The following RBM7 variants were observed in gnomAD, a reference collection of about 807,000 sequenced individuals.
The protein encoded by RBM7 is RNA binding motif protein 7.
Under a neutral mutation model 31.0 loss-of-function variants are expected in RBM7, and 13 were observed. The ratio of observed to expected loss-of-function variants is 0.42; its 90% CI spans 0.27 to 0.67. RBM7 has a LOEUF of 0.67. Among genes scored for constraint, RBM7 ranks in the 30% least tolerant of loss-of-function variants. The pLI, the probability that RBM7 is intolerant of heterozygous loss-of-function variation, is 0.24. For synonymous variants in RBM7, 106 were observed against 111.2 expected, an observed-to-expected ratio of 0.95 and a Z score of 0.30; for missense variants, 245 against 326.2, an observed-to-expected ratio of 0.75 and a Z score of 1.92.
Position 114,400,702 on chromosome 11 carries a change from ACT to A in RBM7, c.36_37del (p.Phe13CysfsTer5), listed in dbSNP as rs1946186031. On this transcript the variant is annotated frameshift_variant, in exon 1 of 5. Coordinates refer to ENST00000375490, the MANE Select transcript of RBM7 (RefSeq NM_001286045.2). LOFTEE classifies it high-confidence loss of function. ...GGCGGCGGCGGCGGAAGCGGATCGC[ACT>A]CTCTTTGTGGGCAACCTTGAAACGA... MGAAAAEADR[T>X]LFVGNLETKV... 1 of 1,614,004 alleles carries A rather than the reference ACT, an allele frequency of 6.2e-7. No individual in the cohort carries two copies. The highest frequency in any genetic ancestry group is 8.5e-7 in the Non-Finnish European group (1 of 1,179,994).
At position 114,409,290 on chromosome 11, in the gene RBM7, GATT is replaced by G. The variant is rs1181719641; in HGVS notation, c.*1490_*1492del. The G allele has an allele frequency of 6.6e-6, 1 of 152,060 alleles. No homozygotes were observed. Among genetic ancestry groups the G allele is most frequent in the African/African-American group, 2.4e-5 (1 of 41,422 alleles). The allele number at this position is 152,060 out of a possible 1,614,324, so 9.4% of individuals were successfully genotyped here. A position where few individuals can be genotyped will look rare whatever the true frequency, so the allele number is the denominator to read the frequency against. ...TTTTCACAGAATTTGTTTCCAATGA[GATT>G]ATTATTTTTGGGTATCTTATCCATA... On this transcript the variant is annotated 3_prime_UTR_variant, in exon 5 of 5. Transcript: ENST00000375490.
At position 114,409,855 on chromosome 11, in the gene RBM7, A is replaced by G. The variant is rs1163788723; in HGVS notation, c.*2048A>G. On this transcript the variant is annotated 3_prime_UTR_variant, in exon 5 of 5. Coordinates refer to ENST00000375490, the MANE Select transcript of RBM7 (RefSeq NM_001286045.2). ...ACCAAACTAAATACATGTATTGTGT[A>G]AAGGGACAGGACAAGACAGCCTTAA... 1 of 152,222 alleles carries G rather than the reference A, an allele frequency of 6.6e-6. No individual in the cohort carries two copies. The highest frequency in any genetic ancestry group is 1.5e-5 in the Non-Finnish European group (1 of 68,038). The allele number at this position is 152,222 out of a possible 1,614,324, so 9.4% of individuals were successfully genotyped here.
At chr11:114,406,336 C>G (rs886988677) in intron 4 of RBM7, 4 of 152,144 alleles carry the variant, frequency 2.6e-5, no homozygotes, top group African/African-American at 9.7e-5. Flanking sequence ...GACTTGTAGT[C>G]CCCAGGCTTT....
intron 2 of RBM7, 90 bp downstream of exon 2, chr11:114,401,950 A>G: frequency 7.5e-7 from 1 of 1,341,598 alleles, no homozygotes; most frequent in Non-Finnish European, 1.0e-6. Flanking sequence ...TTGTAGATGA[A>G]ACTTCTTTCT....
chr11:114,403,422 T>C (rs1946229357), intron 3 of RBM7, among the ~76,000 whole-genome samples: 1 of 152,202 alleles, frequency 6.6e-6, no homozygotes, highest in Admixed American at 6.5e-5. Flanking sequence ...CTCCTTTCTT[T>C]AGTCCCGTCT....
At chr11:114,404,741 G>A (rs1946243775) in intron 3 of RBM7, among the ~76,000 whole-genome samples, 1 of 151,548 alleles carries the variant, frequency 6.6e-6, no homozygotes, top group African/African-American at 2.4e-5. Context: ...AGGCTAGAGA[G>A]TTTATAATTT....
intron 3 of RBM7, among the ~76,000 whole-genome samples, chr11:114,404,378 A>G (rs1348203942): frequency 2.0e-5 from 3 of 152,254 alleles, no homozygotes; most frequent in Admixed American, 1.3e-4. Context: ...GCAATAGTGC[A>G]AAAAGTGTAC....
At position 114,410,072 on chromosome 11, in the gene RBM7, AAG is replaced by A. The variant is rs2135361897; in HGVS notation, c.*2266_*2267del. ...TGTCACATCTGTATTGGCACTCAAA[AAG>A]TTTCATATTTTGGAGCATTTCAGAT... On this transcript the variant is annotated 3_prime_UTR_variant, in exon 5 of 5. Transcript: ENST00000375490. 1 of 152,238 alleles carries A rather than the reference AAG, an allele frequency of 6.6e-6. No individual in the cohort carries two copies. Among genetic ancestry groups the A allele is most frequent in the African/African-American group, 2.4e-5 (1 of 41,542 alleles). The allele number at this position is 152,238 out of a possible 1,614,324, so 9.4% of individuals were successfully genotyped here. A position where few individuals can be genotyped will look rare whatever the true frequency, so the allele number is the denominator to read the frequency against.
chr11:114,401,485 A>C (rs1414856221), intron 1 of RBM7, among the ~76,000 whole-genome samples: 1 of 152,248 alleles, frequency 6.6e-6, no homozygotes, highest in East Asian at 1.9e-4. Flanking sequence ...TTGTGTTTCC[A>C]GTTCCTTATG....
chr11:114,409,458 T>G lies in RBM7; in HGVS notation c.*1651T>G, dbSNP rs1169724657. On this transcript the variant is annotated 3_prime_UTR_variant, in exon 5 of 5. Transcript: ENST00000375490. ...ATCTCAGGTCACTGCAACCTCCATA[T>G]CCCGGGTTCAAGTGATTCTCCTGCC... is the stretch of plus-strand genomic sequence containing the variant. 6.6e-6 allele frequency: 1 copy of G among 151,970 alleles called. No homozygotes were observed. The allele number at this position is 151,970 out of a possible 1,614,324, so 9.4% of individuals were successfully genotyped here.
At chr11:114,407,378 A>G (rs1591200373) in intron 4 of RBM7, 67 bp from the exon 5 acceptor site, 1 of 1,502,924 alleles carries the variant, frequency 6.7e-7, no homozygotes, top group East Asian at 2.3e-5. Flanking sequence ...TTTTCTGTTA[A>G]CTGACCAAAT....
chr11:114,407,353 C>T, intron 4 of RBM7, 92 bp from the exon 5 acceptor site: 2 of 1,380,856 alleles, frequency 1.4e-6, no homozygotes, highest in South Asian at 2.8e-5. Flanking sequence ...GCAAGAGTGA[C>T]TTTATTTTCT....
chr11:114,401,997 T>A (rs1946208785), intron 2 of RBM7, 137 bp downstream of exon 2: 3 of 815,684 alleles, frequency 3.7e-6, no homozygotes, highest in Non-Finnish European at 5.5e-6. Flanking sequence ...ATAGCAAACT[T>A]TATATATCCC....
At chr11:114,405,826 TTGC>T in intron 4 of RBM7, 27 bp downstream of exon 4, 1 of 1,428,236 alleles carries the variant, frequency 7.0e-7, no homozygotes, top group East Asian at 2.4e-5. Context: ...TCAACTTGAA[TTGC>T]CAAAAAAAAA....
At position 114,407,760 on chromosome 11, in the gene RBM7, A is replaced by C. The variant is rs1185475362; in HGVS notation, c.757A>C (p.Arg253=). ...HDDWSHDYDN[R]RDSSRDGKWR... ...TGACTGGAGCCATGACTATGATAACAGAAGAGACAGTAGTAGAGATGGAAA... is the reference window on the plus strand; with the variant it reads ...TGACTGGAGCCATGACTATGATAACCGAAGAGACAGTAGTAGAGATGGAAA... Residue 253 remains arginine, a synonymous_variant, in exon 5 of 5, where the codon AGA becomes CGA. Coordinates refer to ENST00000375490, the MANE Select transcript of RBM7 (RefSeq NM_001286045.2). 3 of 1,613,268 alleles carry C rather than the reference A, an allele frequency of 1.9e-6. No homozygotes were observed. The highest frequency in any genetic ancestry group is 2.2e-5 in the South Asian group (2 of 91,072).
intron 3 of RBM7, among the ~76,000 whole-genome samples, chr11:114,404,935 T>G (rs1208607926): frequency 6.6e-6 from 1 of 152,246 alleles, no homozygotes; most frequent in East Asian, 1.9e-4. Flanking sequence ...AAGTTATCCC[T>G]TTAATAAATA....
rs1946281121 is a variant in RBM7, at chr11:114,407,511, G to A, written c.508G>A (p.Gly170Arg). 2 of 1,614,144 alleles carry A rather than the reference G, an allele frequency of 1.2e-6. No homozygotes were observed. The highest frequency in any genetic ancestry group is 4.5e-5 in the East Asian group (2 of 44,882). The change falls in exon 5 of 5, where the codon GGA becomes AGA. Residue 170 changes from glycine to arginine, a missense_variant. Transcript: ENST00000375490. ...KFGSSPLDQS[G>R]FSPSVQSHSH... is the part of the protein sequence containing the mutation. ...TGGTTCTTCACCTCTGGATCAATCAGGATTTTCACCATCAGTTCAATCACA... is the reference window on the plus strand; with the variant it reads ...TGGTTCTTCACCTCTGGATCAATCAAGATTTTCACCATCAGTTCAATCACA...
chr11:114,406,482 A>G (rs529795411), intron 4 of RBM7: 2 of 152,334 alleles, frequency 1.3e-5, no homozygotes, highest in East Asian at 3.9e-4. Flanking sequence ...AAAAATGATC[A>G]TATACTAATA....
chr11:114,408,067 T>G lies in RBM7; in HGVS notation c.*260T>G, dbSNP rs1946290598. The G allele has an allele frequency of 3.7e-6, 1 of 268,918 alleles. No individual in the cohort carries two copies. Among genetic ancestry groups the G allele is most frequent in the Non-Finnish European group, 7.0e-6 (1 of 143,536 alleles). The allele number at this position is 268,918 out of a possible 1,614,324, so 16.7% of individuals were successfully genotyped here. On this transcript the variant is annotated 3_prime_UTR_variant, in exon 5 of 5. Coordinates refer to ENST00000375490, the MANE Select transcript of RBM7 (RefSeq NM_001286045.2). Reference sequence around the variant, plus strand: ...ACAATTCCTAATCATTTTAGACACTTTAGGAGGGGGTGAAGTTGTATGATA... The same window carrying G: ...ACAATTCCTAATCATTTTAGACACTGTAGGAGGGGGTGAAGTTGTATGATA...
Sources: allele counts gnomAD v4.1 joint callset (sites outside exome capture counted in the v4.1 genomes callset), GRCh38; gene constraint gnomAD v4.1.1; transcripts MANE v1.5; gene names NCBI Gene and HGNC (gene_info 2026-07-23, HGNC 2026-07-21).